Variants in PLEKHD1 observed in about 807,000 individuals in gnomAD.
PLEKHD1 encodes the protein pleckstrin homology domain-containing family D member 1.
PLEKHD1 carries 51 observed loss-of-function variants against 69.2 expected under a neutral mutation model. The ratio of observed to expected loss-of-function variants is 0.74; its 90% CI spans 0.59 to 0.93. The LOEUF (loss-of-function observed/expected upper bound fraction) is 0.93. Ranked by LOEUF, PLEKHD1 falls within the 40% of genes least tolerant of loss-of-function variation. The pLI, the probability that PLEKHD1 is intolerant of heterozygous loss-of-function variation, is 0.00. For missense variants in PLEKHD1, 584 were observed against 641.0 expected (o/e 0.91, Z 0.96); for synonymous variants, 236 against 244.7 (o/e 0.96, Z 0.33).
intron 9 of PLEKHD1, 80 bp downstream of exon 9, chr14:69,526,202 G>A: frequency 7.0e-7 from 1 of 1,424,134 alleles, no homozygotes; most frequent in Non-Finnish European, 9.3e-7. Context: ...CCAGACTCTT[G>A]GGTTCTACTT....
At chr14:69,484,714 G>C (rs1013022311), upstream of PLEKHD1, 2 of 430,792 alleles carry the variant, frequency 4.6e-6, no homozygotes, top group Non-Finnish European at 4.1e-6. Context: ...CCGAGGCTGA[G>C]CCACCCTCCC....
At chr14:69,499,235 AC>A (rs1566557603) in intron 1 of PLEKHD1, among the ~76,000 whole-genome samples, 1 of 89,706 alleles carries the variant, frequency 1.1e-5, no homozygotes, top group East Asian at 2.8e-4. Context: ...GCACACACAC[AC>A]ACACACACAC....
intron 7 of PLEKHD1, 50 bp from the exon 8 acceptor site, chr14:69,524,179 G>T (rs565738579): frequency 3.6e-6 from 5 of 1,391,310 alleles, no homozygotes; most frequent in Admixed American, 4.0e-5. Context: ...GGTGATTGGT[G>T]GGGGGTGGGG....
At chr14:69,501,220 C>T in intron 4 of PLEKHD1, 1 of 530,316 alleles carries the variant, frequency 1.9e-6, no homozygotes, top group East Asian at 3.3e-5. Flanking sequence ...CTCCTGACAC[C>T]CATCTCACCT....
intron 1 of PLEKHD1, among the ~76,000 whole-genome samples, chr14:69,489,928 G>A (rs958352787): frequency 1.6e-4 from 25 of 152,130 alleles, no homozygotes; most frequent in African/African-American, 5.3e-4. Context: ...GTACAGTGTC[G>A]TGATCTTGGC....
At chr14:69,509,889 G>A (rs1332537284) in intron 6 of PLEKHD1, among the ~76,000 whole-genome samples, 2 of 151,518 alleles carry the variant, frequency 1.3e-5, no homozygotes, top group African/African-American at 4.8e-5. Context: ...TGTGAGCCAA[G>A]ATCACACCAC....
rs374589146 is a variant in PLEKHD1, at chr14:69,530,130, A to G, written c.*1711A>G. 5 of 152,280 alleles carry G rather than the reference A, an allele frequency of 3.3e-5. No homozygotes were observed. The highest frequency in any genetic ancestry group is 7.3e-5 in the Non-Finnish European group (5 of 68,056). 9.4% of individuals were successfully genotyped at this position (152,280 alleles called of 1,614,324 possible). Reference sequence around the variant, plus strand: ...AAAAAGTGCAAGAACCTGGGAGCCCACAACCTATTCTGTGGGAAGAGGAGC... The same window carrying G: ...AAAAAGTGCAAGAACCTGGGAGCCCGCAACCTATTCTGTGGGAAGAGGAGC... On this transcript the variant is annotated 3_prime_UTR_variant, in exon 13 of 13. Transcript: ENST00000322564.
rs552188635 is a variant in PLEKHD1 at position 69,507,091 on chromosome 14, C to T, written c.555+4212C>T. Among the ~76,000 whole-genome samples, 14 of 152,114 alleles carry T rather than the reference C, an allele frequency of 9.2e-5. No individual in the cohort carries two copies. In the South Asian group the frequency reaches 2.7e-3, roughly 29 times the overall value. The stretch of plus-strand genomic sequence containing the variant: ...ATTTTTAGAAGAGACGGGGCTTCAC[C>T]GTGTTAGCCAGGATGGCCTCGAACT... On this transcript the variant is annotated intron_variant, in intron 6 of 12. Transcript: ENST00000322564.
intron 6 of PLEKHD1, among the ~76,000 whole-genome samples, chr14:69,520,260 C>T (rs374060752): frequency 7.3e-5 from 11 of 151,320 alleles, no homozygotes; most frequent in African/African-American, 2.2e-4. Context: ...GTAATTTCCC[C>T]AGGCCTCTAA....
intron 6 of PLEKHD1, among the ~76,000 whole-genome samples, chr14:69,519,859 A>G (rs1295058583): frequency 6.6e-6 from 1 of 152,080 alleles, no homozygotes; most frequent in Non-Finnish European, 1.5e-5. Flanking sequence ...GAGGCCCCAG[A>G]CCTGTAAAAG....
chr14:69,498,057 A>ATTTTATTTTATTTTATTTTATTTTAT (rs1555337189), intron 1 of PLEKHD1, among the ~76,000 whole-genome samples: 30 of 124,692 alleles, frequency 2.4e-4, no homozygotes, highest in African/African-American at 8.7e-4. Context: ...ATTTTATTTT[A>ATTTTATTTTATTTTATTTTATTTTAT]TTTATTTTAT....
chr14:69,491,640 A>T (rs2139495437), intron 1 of PLEKHD1, among the ~76,000 whole-genome samples: 1 of 152,290 alleles, frequency 6.6e-6, no homozygotes. Context: ...CCTGCCCAAC[A>T]TAGAAGATAC....
intron 6 of PLEKHD1, among the ~76,000 whole-genome samples, chr14:69,514,082 T>C (rs1383926263): frequency 6.6e-6 from 1 of 152,202 alleles, no homozygotes; most frequent in Non-Finnish European, 1.5e-5. Flanking sequence ...AGGGCATTTA[T>C]TCATTTGGTG....
At chr14:69,504,712 A>C (rs1883113059) in intron 6 of PLEKHD1, among the ~76,000 whole-genome samples, 1 of 152,178 alleles carries the variant, frequency 6.6e-6, no homozygotes, top group African/African-American at 2.4e-5. Flanking sequence ...GATTAAAGAG[A>C]AAATAAAAAA....
intron 6 of PLEKHD1, 135 bp from the exon 7 acceptor site, chr14:69,522,148 T>C (rs1883529506): frequency 2.6e-6 from 2 of 779,628 alleles, no homozygotes. Context: ...CCTTAGAACT[T>C]AATTCCCGGT....
intron 9 of PLEKHD1, 145 bp from the exon 10 acceptor site, chr14:69,526,552 G>T: frequency 1.1e-6 from 1 of 931,042 alleles, no homozygotes; most frequent in South Asian, 2.5e-5. Context: ...TCATCCCCTG[G>T]GTGCCTGGAC....
chr14:69,474,190 G>A, the PLEKHD1 span, among the ~76,000 whole-genome samples: 1 of 152,146 alleles, frequency 6.6e-6, no homozygotes, highest in African/African-American at 2.4e-5. Context: ...TAAGCAAGAA[G>A]GCAAAAGCAG....
At chr14:69,491,475 G>T in intron 1 of PLEKHD1, among the ~76,000 whole-genome samples, 1 of 152,072 alleles carries the variant, frequency 6.6e-6, no homozygotes, top group Non-Finnish European at 1.5e-5. Context: ...CCTCCCTATT[G>T]TCCTACAGGA....
rs914482595 is a variant in PLEKHD1 at position 69,527,146 on chromosome 14, C to A, written c.1057-42C>A. The A allele has an allele frequency of 3.3e-6, 5 of 1,495,936 alleles. No homozygotes were observed. In the Admixed American group the frequency reaches 1.2e-4, roughly 36 times the overall value. The allele number at this position is 1,495,936 out of a possible 1,614,324, so 92.7% of individuals were successfully genotyped here. ...TTCCAGGGAAGATGGCAGCTACTTC[C>A]AGGACCTGACTTCCTTCTCATTTCC... On this transcript the variant is annotated intron_variant, in intron 10 of 12. Transcript: ENST00000322564.
Sources: gnomAD v4.1 joint callset for allele counts (sites outside exome capture counted in the v4.1 genomes callset) on GRCh38, gnomAD v4.1.1 for gene constraint, MANE v1.5 for transcripts, NCBI Gene and HGNC (gene_info 2026-07-23, HGNC 2026-07-21) for gene names.